The following DGKB variants were observed in gnomAD, a reference collection of about 807,000 sequenced individuals.
The protein encoded by DGKB is 90 kDa diacylglycerol kinase.
A neutral mutation model predicts 114.3 loss-of-function variants in DGKB; 67 were observed. The ratio of observed to expected loss-of-function variants is 0.59; its 90% CI spans 0.48 to 0.72. The LOEUF (loss-of-function observed/expected upper bound fraction) is 0.72, where lower values mean the gene tolerates loss of function less well. DGKB is among the 30% of genes least tolerant of loss of function. The probability of loss-of-function intolerance (pLI) is 0.00; values close to 1 mark genes in which losing one functional copy is unlikely to be tolerated. For synonymous variants in DGKB, 398 were observed against 323.1 expected (o/e 1.23, Z -2.49); for missense variants, 907 against 975.2 (o/e 0.93, Z 0.93).
chr7:14,892,531 A>T (rs901411691), intron 1 of DGKB, among the ~76,000 whole-genome samples: 1 of 151,210 alleles, frequency 6.6e-6, no homozygotes, highest in South Asian at 2.1e-4. Flanking sequence ...GTATATATAA[A>T]TACATATGAA....
At chr7:14,273,301 G>A (rs1166776118) in intron 23 of DGKB, among the ~76,000 whole-genome samples, 5 of 152,226 alleles carry the variant, frequency 3.3e-5, no homozygotes, top group South Asian at 4.1e-4. Flanking sequence ...AGCCATGATC[G>A]TACCACTGCA....
chr7:14,232,464 C>A (rs139793888), intron 23 of DGKB, among the ~76,000 whole-genome samples: 1 of 150,894 alleles, frequency 6.6e-6, no homozygotes, highest in Non-Finnish European at 1.5e-5. Context: ...TTGTTTTGAA[C>A]TTAGGATGAT....
intron 17 of DGKB, among the ~76,000 whole-genome samples, chr7:14,586,968 A>G (rs912502425): frequency 6.6e-6 from 1 of 152,148 alleles, no homozygotes; most frequent in African/African-American, 2.4e-5. Flanking sequence ...ATGCCTGCAA[A>G]CACAGCATAC....
At chr7:14,698,250 T>C in intron 7 of DGKB, 81 bp from the exon 8 acceptor site, 8 of 870,376 alleles carry the variant, frequency 9.2e-6, no homozygotes, top group South Asian at 6.5e-5. Context: ...AATTGTTTTG[T>C]TCAATGTGTA....
At chr7:14,548,417 G>C (rs189412037) in intron 20 of DGKB, among the ~76,000 whole-genome samples, 1 of 152,282 alleles carries the variant, frequency 6.6e-6, no homozygotes, top group Admixed American at 6.5e-5. Context: ...GGTCAGAAAA[G>C]GCTTTTGGAG....
intron 1 of DGKB, among the ~76,000 whole-genome samples, chr7:14,956,121 G>A (rs551299188): frequency 1.3e-5 from 2 of 151,992 alleles, no homozygotes; most frequent in Non-Finnish European, 2.9e-5. Context: ...TCATCTCAGG[G>A]TAACTTTAAG....
chr7:14,679,259 C>T (rs541774834), intron 12 of DGKB, among the ~76,000 whole-genome samples: 1 of 152,028 alleles, frequency 6.6e-6, no homozygotes, highest in African/African-American at 2.4e-5. Flanking sequence ...ATAATTGTTA[C>T]TTACTAAGCA....
rs1305769956 is a variant in DGKB, at chr7:14,664,510, T to C, written c.1134+8419A>G. 1.4e-4 allele frequency among the ~76,000 whole-genome samples: 22 copies of C among 152,028 alleles called. No homozygotes were observed. The Admixed American group carries it at 1.4e-3, about 10-fold the overall frequency. On this transcript the variant is annotated intron_variant, in intron 13 of 25. Transcript: ENST00000402815. ...CAAGACAGGCCAGGAAGCCATTATC[T>C]TGGACCTTGTATTTTCTCCCTCTCC... is the stretch of plus-strand genomic sequence containing the variant.
At chr7:14,912,870 G>T (rs1309314631) in intron 1 of DGKB, among the ~76,000 whole-genome samples, 1 of 152,126 alleles carries the variant, frequency 6.6e-6, no homozygotes, top group African/African-American at 2.4e-5. Context: ...GTCTCGTACA[G>T]AAAGCACTTC....
At chr7:14,504,221 C>T (rs922162772) in intron 20 of DGKB, among the ~76,000 whole-genome samples, 9 of 152,028 alleles carry the variant, frequency 5.9e-5, no homozygotes, top group Admixed American at 4.6e-4. Flanking sequence ...ATACTCCAAA[C>T]TTTTCATGGA....
At chr7:14,609,485 C>T (rs1473613678) in intron 16 of DGKB, among the ~76,000 whole-genome samples, 1 of 151,762 alleles carries the variant, frequency 6.6e-6, no homozygotes, top group Non-Finnish European at 1.5e-5. Context: ...TTTGGCAACA[C>T]ATTTTTTATT....
intron 3 of DGKB, among the ~76,000 whole-genome samples, chr7:14,756,763 G>A (rs1834931803): frequency 6.6e-6 from 1 of 151,410 alleles, no homozygotes; most frequent in Admixed American, 6.6e-5. Flanking sequence ...AACAATAATA[G>A]CAAAAAATAA....
intron 21 of DGKB, among the ~76,000 whole-genome samples, chr7:14,370,337 T>C (rs1817429107): frequency 6.6e-6 from 1 of 152,244 alleles, no homozygotes; most frequent in Admixed American, 6.5e-5. Context: ...AGCCTTGTAG[T>C]ATAGTTTGAA....
At chr7:14,761,208 C>A (rs930332623) in intron 2 of DGKB, among the ~76,000 whole-genome samples, 1 of 152,096 alleles carries the variant, frequency 6.6e-6, no homozygotes, top group African/African-American at 2.4e-5. Context: ...TTCTTGGGCC[C>A]AGTTTCTCTA....
At chr7:14,153,339 A>G (rs1362703043) in intron 25 of DGKB, among the ~76,000 whole-genome samples, 1 of 152,118 alleles carries the variant, frequency 6.6e-6, no homozygotes, top group African/African-American at 2.4e-5. Flanking sequence ...TAAGTTTAGA[A>G]CAGAGGTGGA....
At chr7:14,931,855 G>A (rs1466540487) in intron 1 of DGKB, among the ~76,000 whole-genome samples, 1 of 151,848 alleles carries the variant, frequency 6.6e-6, no homozygotes, top group East Asian at 1.9e-4. Flanking sequence ...GGGTCGGGGG[G>A]TGGGGATACC....
At chr7:14,152,571 G>T (rs1310104673) in intron 25 of DGKB, among the ~76,000 whole-genome samples, 1 of 151,938 alleles carries the variant, frequency 6.6e-6, no homozygotes, top group Non-Finnish European at 1.5e-5. Context: ...GCAGAGAAAG[G>T]TTCTTCCACT....
intron 25 of DGKB, among the ~76,000 whole-genome samples, chr7:14,169,932 C>A (rs146217491): frequency 1.3e-5 from 2 of 151,646 alleles, no homozygotes; most frequent in Non-Finnish European, 2.9e-5. Context: ...GTTGGGAGTT[C>A]AAGACCAGCC....
At chr7:14,812,170 G>A (rs924002203) in intron 2 of DGKB, among the ~76,000 whole-genome samples, 4 of 152,122 alleles carry the variant, frequency 2.6e-5, no homozygotes, top group Admixed American at 2.6e-4. Context: ...GCTACATTTT[G>A]TTTATCAAAT....
Sources: allele counts gnomAD v4.1 joint callset (sites outside exome capture counted in the v4.1 genomes callset), GRCh38; gene constraint gnomAD v4.1.1; transcripts MANE v1.5; gene names NCBI Gene and HGNC (gene_info 2026-07-23, HGNC 2026-07-21).